PEAK1: variants seen among roughly 807,000 people sequenced by gnomAD.
The protein encoded by PEAK1 is pseudopodium enriched atypical kinase 1.
Under a neutral mutation model 124.7 loss-of-function variants are expected in PEAK1, and 54 were observed. The ratio of observed to expected loss-of-function variants is 0.43; its 90% CI spans 0.35 to 0.54. PEAK1 has a LOEUF of 0.54. PEAK1 is among the 20% of genes least tolerant of loss of function. The probability of loss-of-function intolerance (pLI) is 0.01; values close to 1 mark genes in which losing one functional copy is unlikely to be tolerated. For missense variants in PEAK1, 2,046 were observed against 2,134.5 expected (o/e 0.96, Z 0.82); for synonymous variants, 719 against 760.0 (o/e 0.95, Z 0.89).
At chr15:77,262,521 C>T (rs1366513985) in intron 5 of PEAK1, among the ~76,000 whole-genome samples, 2 of 151,644 alleles carry the variant, frequency 1.3e-5, no homozygotes, top group Non-Finnish European at 2.9e-5. Flanking sequence ...AGGGCCATTA[C>T]ATAATGGTAA....
intron 5 of PEAK1, chr15:77,278,602 A>G (rs1190952203): frequency 3.9e-6 from 2 of 509,346 alleles, no homozygotes; most frequent in African/African-American, 1.9e-5. Context: ...AGGTCCCTGC[A>G]AAGAACGGAG....
chr15:77,107,904 G>A (rs1248815142), downstream of PEAK1: 1 of 152,266 alleles, frequency 6.6e-6, no homozygotes, highest in Non-Finnish European at 1.5e-5. Flanking sequence ...TGAGGTCTGG[G>A]AAAAGCAGAA....
intron 7 of PEAK1, among the ~76,000 whole-genome samples, chr15:77,175,109 G>T (rs568055838): frequency 0.048 from 7,264 of 151,934 alleles, 205 homozygotes; most frequent in Middle Eastern, 0.12. Context: ...ATTCAAGATG[G>T]ATTAAAGACT....
rs1302623958 is a variant in PEAK1 at position 77,172,815 on chromosome 15, T to A, written c.3137+5975A>T. Reference sequence around the variant, plus strand: ...TCACCCAGGTTGGAGTGCAGTGGCGTGATTATGGTTCACTGCAGCCTTGAC... The same window carrying A: ...TCACCCAGGTTGGAGTGCAGTGGCGAGATTATGGTTCACTGCAGCCTTGAC... On this transcript the variant is annotated intron_variant, in intron 7 of 9. Transcript: ENST00000682557. Among the ~76,000 whole-genome samples, 5 of 152,216 alleles carry A rather than the reference T, an allele frequency of 3.3e-5. No individual in the cohort carries two copies. In the East Asian group the frequency reaches 5.8e-4, roughly 18 times the overall value.
intron 7 of PEAK1, among the ~76,000 whole-genome samples, chr15:77,161,462 T>C (rs2055632469): frequency 2.0e-5 from 3 of 152,242 alleles, no homozygotes; most frequent in Non-Finnish European, 4.4e-5. Flanking sequence ...AGTGCACTGG[T>C]ATATTAAATC....
intron 2 of PEAK1, among the ~76,000 whole-genome samples, chr15:77,290,017 G>A (rs1399566470): frequency 1.3e-5 from 2 of 152,046 alleles, no homozygotes; most frequent in East Asian, 3.9e-4. Flanking sequence ...TGCCCAAGCT[G>A]AAGTGCAGTG....
intron 9 of PEAK1, among the ~76,000 whole-genome samples, chr15:77,132,133 T>C (rs2052917264): frequency 6.6e-6 from 1 of 151,792 alleles, no homozygotes; most frequent in Non-Finnish European, 1.5e-5. Flanking sequence ...CAGGCTGGAG[T>C]GCAGTGACCC....
intron 2 of PEAK1, among the ~76,000 whole-genome samples, chr15:77,332,762 C>T (rs529518902): frequency 1.8e-4 from 28 of 151,642 alleles, no homozygotes; most frequent in African/African-American, 3.4e-4. Context: ...TTTTTTTTAA[C>T]GGTACCTTAT....
At chr15:77,184,919 T>C (rs1454226630) in intron 6 of PEAK1, among the ~76,000 whole-genome samples, 1 of 152,044 alleles carries the variant, frequency 6.6e-6, no homozygotes, top group African/African-American at 2.4e-5. Context: ...TTAAAAAAAG[T>C]GAATTTTACT....
At position 77,133,574 on chromosome 15, in the gene PEAK1, T is replaced by C; in HGVS notation, c.3508A>G (p.Lys1170Glu). 1 of 1,614,176 alleles carries C rather than the reference T, an allele frequency of 6.2e-7. No individual in the cohort carries two copies. The change falls in exon 9 of 10, where the codon AAG (lysine) becomes GAG (glutamate). Residue 1170 changes from lysine to glutamate, a missense_variant. Lys to Glu is a moderately conservative substitution (Grantham distance 56, BLOSUM62 1). Coordinates refer to ENST00000682557, the MANE Select transcript of PEAK1 (RefSeq NM_001385026.1). The surrounding 1 kb of genome is among the most constrained non-coding windows in gnomAD (Gnocchi z 4.2). Reference sequence around the variant, plus strand: ...CTTTCCATGGATTTTTGGAGGTCCTTGGAGATTGGCTCTGTATTGGCTCTT... The same window carrying C: ...CTTTCCATGGATTTTTGGAGGTCCTCGGAGATTGGCTCTGTATTGGCTCTT... The part of the protein sequence containing the change: ...IIRANTEPIS[K>E]DLQKSMESSL...
At chr15:77,263,835 G>A (rs1197322049) in intron 5 of PEAK1, among the ~76,000 whole-genome samples, 2 of 152,134 alleles carry the variant, frequency 1.3e-5, no homozygotes, top group Non-Finnish European at 2.9e-5. Flanking sequence ...TATCCCTGAT[G>A]AACATCGATG....
intron 8 of PEAK1, among the ~76,000 whole-genome samples, chr15:77,140,835 A>G (rs970112996): frequency 6.6e-6 from 1 of 151,914 alleles, no homozygotes; most frequent in Admixed American, 6.6e-5. Flanking sequence ...CCCAGGCTCA[A>G]GTGATCCTTC....
At chr15:77,407,051 G>C (rs1378308183) in intron 1 of PEAK1, among the ~76,000 whole-genome samples, 1 of 152,284 alleles carries the variant, frequency 6.6e-6, no homozygotes, top group African/African-American at 2.4e-5. Context: ...AAATGGTGCG[G>C]GGTAATTAGC....
At chr15:77,164,489 T>A (rs2055929657) in intron 7 of PEAK1, among the ~76,000 whole-genome samples, 2 of 152,272 alleles carry the variant, frequency 1.3e-5, no homozygotes, top group Admixed American at 6.5e-5. Context: ...CCACTTTTTT[T>A]AAAAAACAGA....
intron 6 of PEAK1, among the ~76,000 whole-genome samples, chr15:77,183,564 A>G (rs2057390247): frequency 6.6e-6 from 1 of 152,096 alleles, no homozygotes; most frequent in African/African-American, 2.4e-5. Flanking sequence ...CCAAAATGGA[A>G]TTTCATTCTT....
chr15:77,264,829 G>A (rs1161656719), intron 5 of PEAK1, among the ~76,000 whole-genome samples: 10 of 151,888 alleles, frequency 6.6e-5, no homozygotes, highest in Non-Finnish European at 1.2e-4. Flanking sequence ...AAAGCTGGAG[G>A]CATCACACTA....
intron 2 of PEAK1, among the ~76,000 whole-genome samples, chr15:77,311,697 A>AAAG (rs2064467309): frequency 6.6e-6 from 1 of 151,304 alleles, no homozygotes; most frequent in African/African-American, 2.4e-5. Flanking sequence ...AAAAAAAAAA[A>AAAG]AAAAAAAAAG....
intron 2 of PEAK1, among the ~76,000 whole-genome samples, chr15:77,297,613 G>T (rs1471853040): frequency 6.6e-6 from 1 of 151,596 alleles, no homozygotes; most frequent in African/African-American, 2.4e-5. Flanking sequence ...ACAAAAATTA[G>T]CTGGGCATGG....
intron 9 of PEAK1, among the ~76,000 whole-genome samples, chr15:77,125,050 C>T (rs1209998613): frequency 2.6e-5 from 4 of 152,152 alleles, no homozygotes; most frequent in African/African-American, 7.2e-5. Context: ...TTCTTGAGGG[C>T]AAGGCCTTTG....
Sources: gnomAD v4.1 joint callset for allele counts (sites outside exome capture counted in the v4.1 genomes callset) on GRCh38, gnomAD v4.1.1 for gene constraint, Gnocchi (gnomAD v3.1) non-coding constraint, MANE v1.5 for transcripts, NCBI Gene and HGNC (gene_info 2026-07-23, HGNC 2026-07-21) for gene names.